TRHDE: variants seen among roughly 807,000 people sequenced by gnomAD.
TRHDE encodes thyrotropin releasing hormone degrading enzyme.
A neutral mutation model predicts 125.7 loss-of-function variants in TRHDE; 72 were observed. The ratio of observed to expected loss-of-function variants is 0.57; its 90% CI spans 0.47 to 0.70. TRHDE has a LOEUF of 0.70. TRHDE is among the 30% of genes least tolerant of loss of function. The probability of loss-of-function intolerance (pLI) is 0.00; values close to 1 mark genes in which losing one functional copy is unlikely to be tolerated. For synonymous variants in TRHDE, 509 were observed against 509.1 expected (o/e 1.00, Z 0.00); for missense variants, 1,110 against 1,327.1 (o/e 0.84, Z 2.54).
chr12:72,210,980 C>T (rs1293610554), intron 2 of TRHDE, among the ~76,000 whole-genome samples: 1 of 152,068 alleles, frequency 6.6e-6, no homozygotes, highest in Non-Finnish European at 1.5e-5. Flanking sequence ...ATTTTAGAAC[C>T]TTAGCAGCTG....
At chr12:72,160,916 A>G (rs898293940) in intron 2 of TRHDE, among the ~76,000 whole-genome samples, 1 of 152,140 alleles carries the variant, frequency 6.6e-6, no homozygotes, top group South Asian at 2.1e-4. Flanking sequence ...TTAGTGTTAT[A>G]TGGGTGTTTG....
rs149294627 is a variant in TRHDE at position 72,308,217 on chromosome 12, C to T, written c.1188+21263C>T. 4.5e-3 allele frequency among the ~76,000 whole-genome samples: 680 copies of T among 151,790 alleles called. 7 individuals are homozygous for T. Among genetic ancestry groups the T allele is most frequent in the African/African-American group, 0.016 (646 of 41,340 alleles). ...AGTACATTTATTTCTCCTCCAGTCC[C>T]GTAGACTATTGGTACTTCGTGTGCA... On this transcript the variant is annotated intron_variant, in intron 2 of 18. Transcript: ENST00000261180.
rs150899449 is a variant in TRHDE, at chr12:72,466,992, C to T, written c.1316-2766C>T. Among the ~76,000 whole-genome samples the T allele has an allele frequency of 1.8e-3, 277 of 152,272 alleles. 1 individual carries two copies. The highest frequency in any genetic ancestry group is 6.3e-3 in the African/African-American group (262 of 41,552). On this transcript the variant is annotated intron_variant, in intron 3 of 18. Transcript: ENST00000261180. Reference sequence around the variant, plus strand: ...GAGCTTGCAGAACAAGGCAAAACTGCGTCTATATTGAGCAAAGGAGATGCT... The same window carrying T: ...GAGCTTGCAGAACAAGGCAAAACTGTGTCTATATTGAGCAAAGGAGATGCT...
At chr12:72,295,350 C>G (rs1371923508) in intron 2 of TRHDE, among the ~76,000 whole-genome samples, 2 of 152,116 alleles carry the variant, frequency 1.3e-5, no homozygotes, top group Non-Finnish European at 2.9e-5. Context: ...CTGATGCAGC[C>G]AGTGTGATGG....
intron 12 of TRHDE, among the ~76,000 whole-genome samples, chr12:72,604,880 AT>A (rs1872368176): frequency 6.6e-6 from 1 of 152,084 alleles, no homozygotes. Context: ...AATCTATACC[AT>A]TAATGTCTTC....
At chr12:72,175,357 G>C (rs1022439981) in intron 2 of TRHDE, among the ~76,000 whole-genome samples, 2 of 152,152 alleles carry the variant, frequency 1.3e-5, no homozygotes, top group Non-Finnish European at 2.9e-5. Context: ...AATTACTACC[G>C]TGGTGTTTGC....
At chr12:72,200,570 CAAAT>C (rs1306038234) in intron 2 of TRHDE, among the ~76,000 whole-genome samples, 3 of 152,126 alleles carry the variant, frequency 2.0e-5, no homozygotes, top group Admixed American at 6.5e-5. Context: ...TGTTGGGAAA[CAAAT>C]AAAAATTACA....
chr12:72,134,427 C>T (rs777688354), intron 2 of TRHDE, among the ~76,000 whole-genome samples: 10 of 152,280 alleles, frequency 6.6e-5, no homozygotes, highest in Non-Finnish European at 8.8e-5. Context: ...GAAAAATCCA[C>T]GCCAGCCCTG....
At chr12:72,179,562 A>T (rs1877054665) in intron 2 of TRHDE, among the ~76,000 whole-genome samples, 1 of 151,988 alleles carries the variant, frequency 6.6e-6, no homozygotes, top group African/African-American at 2.4e-5. Flanking sequence ...TACATATCCC[A>T]ATCTCACCTT....
intron 3 of TRHDE, among the ~76,000 whole-genome samples, chr12:72,458,190 C>G (rs1875952871): frequency 6.6e-6 from 1 of 152,136 alleles, no homozygotes; most frequent in Non-Finnish European, 1.5e-5. Flanking sequence ...TTTGGGAAAC[C>G]TGCTGAAAAC....
At chr12:72,522,341 T>C (rs1868265078) in intron 6 of TRHDE, among the ~76,000 whole-genome samples, 1 of 152,218 alleles carries the variant, frequency 6.6e-6, no homozygotes, top group Admixed American at 6.5e-5. Flanking sequence ...CTGTATGTCC[T>C]TTTAAATTAA....
chr12:72,193,213 T>C (rs1023382453), intron 2 of TRHDE, among the ~76,000 whole-genome samples: 2 of 152,050 alleles, frequency 1.3e-5, no homozygotes, highest in African/African-American at 4.8e-5. Flanking sequence ...AAGCCTCTGA[T>C]GAATTCCATA....
At chr12:72,428,800 T>A (rs1236716880) in intron 3 of TRHDE, among the ~76,000 whole-genome samples, 3 of 152,152 alleles carry the variant, frequency 2.0e-5, no homozygotes, top group Non-Finnish European at 4.4e-5. Flanking sequence ...ATCTACTTTA[T>A]ATCTGTGCAG....
chr12:72,203,463 G>C (rs952824816), intron 2 of TRHDE, among the ~76,000 whole-genome samples: 5 of 151,758 alleles, frequency 3.3e-5, no homozygotes, highest in African/African-American at 1.2e-4. Flanking sequence ...GCGAGACTCT[G>C]TCTCAAAAAA....
intron 2 of TRHDE, among the ~76,000 whole-genome samples, chr12:72,324,994 A>G (rs79536759): frequency 0.012 from 1,853 of 152,214 alleles, 37 homozygotes; most frequent in African/African-American, 0.042. Flanking sequence ...CGGAGTGTCA[A>G]TCATCAACTG....
chr12:72,206,474 C>T (rs1877667528), intron 2 of TRHDE, among the ~76,000 whole-genome samples: 1 of 152,086 alleles, frequency 6.6e-6, no homozygotes, highest in South Asian at 2.1e-4. Context: ...AGAGTAGAAA[C>T]TTTATTTGTA....
intron 3 of TRHDE, among the ~76,000 whole-genome samples, chr12:72,454,694 G>A (rs1875751110): frequency 6.6e-6 from 1 of 152,164 alleles, no homozygotes; most frequent in Admixed American, 6.6e-5. Context: ...AAACTTTAAT[G>A]TACATATAAG....
intron 15 of TRHDE, among the ~76,000 whole-genome samples, chr12:72,642,776 T>C (rs1469933098): frequency 6.6e-6 from 1 of 152,192 alleles, no homozygotes; most frequent in African/African-American, 2.4e-5. Context: ...CCTCTCCTTG[T>C]AATCCTAATA....
chr12:72,489,087 G>A (rs1316623535), intron 5 of TRHDE, among the ~76,000 whole-genome samples: 1 of 151,080 alleles, frequency 6.6e-6, no homozygotes, highest in Non-Finnish European at 1.5e-5. Flanking sequence ...TACACTTCAA[G>A]GAATTAGAAA....
Sources: allele counts gnomAD v4.1 joint callset (sites outside exome capture counted in the v4.1 genomes callset), GRCh38; gene constraint gnomAD v4.1.1; transcripts MANE v1.5; gene names NCBI Gene and HGNC (gene_info 2026-07-23, HGNC 2026-07-21).